ADCY7: variants seen among roughly 807,000 people sequenced by gnomAD.
ADCY7 encodes the protein adenylate cyclase type 7.
ADCY7 carries 72 observed loss-of-function variants against 120.6 expected under a neutral mutation model. The observed-to-expected ratio is 0.60, with a 90% CI of 0.49 to 0.73. The LOEUF (loss-of-function observed/expected upper bound fraction) is 0.73, where lower values mean the gene tolerates loss of function less well. Ranked by LOEUF, ADCY7 falls within the 30% of genes least tolerant of loss-of-function variation. ADCY7 has a pLI of 0.00. For missense variants in ADCY7, 1,227 were observed against 1,486.0 expected (o/e 0.83, Z 2.87); for synonymous variants, 661 against 628.0 (o/e 1.05, Z -0.78).
chr16:50,306,412 C>A (rs2151055394), intron 14 of ADCY7, among the ~76,000 whole-genome samples: 1 of 152,300 alleles, frequency 6.6e-6, no homozygotes, highest in East Asian at 1.9e-4. Context: ...AGGTGTGGCT[C>A]CCTGAGTTGG....
chr16:50,312,204 G>A lies in ADCY7; in HGVS notation c.2604+13G>A, dbSNP rs2036524626. On this transcript the variant is annotated intron_variant, in intron 21 of 25. Transcript: ENST00000673801. The stretch of plus-strand genomic sequence containing the variant: ...CAAGTTAAACGAGGTGTGCTGAGAA[G>A]GGGCTGGGGCGGGGGCAGGGAGGCG... 9.8e-7 allele frequency: 1 copy of A among 1,020,096 alleles called. No individual in the cohort carries two copies. The allele number at this position is 1,020,096 out of a possible 1,614,324, so 63.2% of individuals were successfully genotyped here. A position where few individuals can be genotyped will look rare whatever the true frequency, so the allele number is the denominator to read the frequency against.
chr16:50,251,851 C>T (rs2032766526), intron 1 of ADCY7, among the ~76,000 whole-genome samples: 1 of 152,224 alleles, frequency 6.6e-6, no homozygotes, highest in Non-Finnish European at 1.5e-5. Flanking sequence ...TTGGGTTCTC[C>T]CCTTCCCCGG....
In ADCY7 at chr16:50,308,308, G is replaced by T. The variant is rs997067662; in HGVS notation, c.1851-19G>T. The T allele has an allele frequency of 6.2e-7, 1 of 1,614,098 alleles. No individual in the cohort carries two copies. Among genetic ancestry groups the T allele is most frequent in the Non-Finnish European group, 8.5e-7 (1 of 1,180,046 alleles). ...GCAGAAGGCCCTAGGCAGAACTGAG[G>T]TTCTTCCCTCCTCTCCAGGACGGCG... is the stretch of plus-strand genomic sequence containing the variant. On this transcript the variant is annotated intron_variant, in intron 15 of 25. Coordinates refer to ENST00000673801, the MANE Select transcript of ADCY7 (RefSeq NM_001114.5).
At chr16:50,302,883 G>A (rs1434038069) in intron 10 of ADCY7, among the ~76,000 whole-genome samples, 3 of 152,212 alleles carry the variant, frequency 2.0e-5, no homozygotes, top group African/African-American at 7.2e-5. Context: ...ACATGGAGGT[G>A]GATTTTCTGC....
rs1216192038 is a variant in ADCY7 at position 50,288,236 on chromosome 16, T to G, written c.57T>G (p.Asp19Glu). The change falls in exon 2 of 26, where the codon GAT becomes GAG. Residue 19 changes from aspartate to glutamate, a missense_variant. Transcript: ENST00000673801. ...AGGGCGAGGAGGGCCCTGACCAAGA[T>G]GCGCTCTACGAGAAGTACCAGCTCA... ...LNEGEEGPDQ[D>E]ALYEKYQLTS... is the part of the protein sequence containing the mutation. 7 of 1,551,394 alleles carry G rather than the reference T, an allele frequency of 4.5e-6. No individual in the cohort carries two copies. In the East Asian group the frequency reaches 1.7e-4, roughly 38 times the overall value.
At chr16:50,314,430 G>GT (rs748090529) in intron 24 of ADCY7, 24 bp downstream of exon 24, 1 of 1,595,818 alleles carries the variant, frequency 6.3e-7, no homozygotes, top group Non-Finnish European at 8.6e-7. Context: ...ATGGAGCGGG[G>GT]TGGGGAGCCC....
chr16:50,279,519 A>G (rs976879206), intron 1 of ADCY7: 3 of 128,250 alleles, frequency 2.3e-5, no homozygotes, highest in East Asian at 7.3e-4. Context: ...AGCCTGGTTG[A>G]TTGCTTAGTC....
At chr16:50,314,712 G>A in intron 24 of ADCY7, 1 of 450,182 alleles carries the variant, frequency 2.2e-6, no homozygotes, top group Non-Finnish European at 4.0e-6. Context: ...GCGGGCCTGC[G>A]CTCAAAGCCA....
intron 1 of ADCY7, among the ~76,000 whole-genome samples, chr16:50,259,714 C>CA (rs2033009251): frequency 6.6e-6 from 1 of 152,132 alleles, no homozygotes; most frequent in Non-Finnish European, 1.5e-5. Flanking sequence ...CCGCAGGGTG[C>CA]CGGGTTTAAT....
At chr16:50,250,010 G>A (rs2032707432) in intron 1 of ADCY7, among the ~76,000 whole-genome samples, 1 of 152,252 alleles carries the variant, frequency 6.6e-6, no homozygotes, top group Non-Finnish European at 1.5e-5. Flanking sequence ...TTGAGTCCCA[G>A]CTCAATGTTT....
rs372056826 is a variant in ADCY7, at chr16:50,278,310, A to C, written c.-268-9602A>C. Among the ~76,000 whole-genome samples the C allele has an allele frequency of 3.3e-5, 5 of 152,256 alleles. No homozygotes were observed. The East Asian group carries it at 5.8e-4, about 18-fold the overall frequency. ...CCTGACTCAGCCTACCTAAGTGCCAAGATTACAGGCGTGAGCCACCATGCC... is the reference window on the plus strand; with the variant it reads ...CCTGACTCAGCCTACCTAAGTGCCACGATTACAGGCGTGAGCCACCATGCC... On this transcript the variant is annotated intron_variant, in intron 1 of 25. Transcript: ENST00000673801.
In ADCY7 at chr16:50,300,790, C is replaced by T. The variant is rs1567565965; in HGVS notation, c.1152C>T (p.Val384=). The part of the protein sequence containing the change: ...GIHSGNVLCG[V]IGLRKWQYDV... ...ACTCGGGGAATGTGCTGTGCGGGGT[C>T]ATCGGGCTGCGCAAGTGGCAGTATG... The change falls in exon 9 of 26, where the codon GTC becomes GTT. Residue 384 remains valine, a synonymous_variant. Coordinates refer to ENST00000673801, the MANE Select transcript of ADCY7 (RefSeq NM_001114.5). 1 of 1,554,444 alleles carries T rather than the reference C, an allele frequency of 6.4e-7. No homozygotes were observed.
intron 15 of ADCY7, 70 bp downstream of exon 15, chr16:50,307,217 C>A: frequency 1.4e-6 from 2 of 1,468,892 alleles, no homozygotes; most frequent in Non-Finnish European, 9.3e-7. Flanking sequence ...TATGAACCTG[C>A]AAGGAGCTGT....
At chr16:50,253,870 T>A (rs2032832851) in intron 1 of ADCY7, among the ~76,000 whole-genome samples, 1 of 152,178 alleles carries the variant, frequency 6.6e-6, no homozygotes, top group Admixed American at 6.5e-5. Flanking sequence ...CCTCCTTTGC[T>A]TCCAGCAGGA....
At position 50,305,489 on chromosome 16, in the gene ADCY7, G is replaced by A; in HGVS notation, c.1596-14G>A. 1.2e-6 allele frequency: 2 copies of A among 1,612,222 alleles called. No homozygotes were observed. Among genetic ancestry groups the A allele is most frequent in the Non-Finnish European group, 1.7e-6 (2 of 1,178,776 alleles). ...GGTCGCTGTGCTGATGCAGTTGTGG[G>A]TATCTGATTCCAGAAGCATGTCCCC... On this transcript the variant is annotated splice_polypyrimidine_tract_variant and intron_variant, in intron 12 of 25. Transcript: ENST00000673801.
At chr16:50,302,904 A>G (rs1596957530) in intron 10 of ADCY7, among the ~76,000 whole-genome samples, 1 of 152,164 alleles carries the variant, frequency 6.6e-6, no homozygotes, top group Non-Finnish European at 1.5e-5. Context: ...ACTGGCTTCT[A>G]TGGGCTCTGC....
In ADCY7 at chr16:50,298,951, T is replaced by C; in HGVS notation, c.996T>C (p.Cys332=). The change falls in exon 8 of 26, where the codon TGT becomes TGC. Residue 332 remains cysteine (C), a synonymous_variant. Coordinates refer to ENST00000673801, the MANE Select transcript of ADCY7 (RefSeq NM_001114.5). ...AGATCCTCGGCGACTGCTACTACTG[T>C]GTATCGGGCCTGCCCGTGTCGCTGC... ...RIKILGDCYY[C]VSGLPVSLPT... is the part of the protein sequence containing the mutation. 1 of 1,613,906 alleles carries C rather than the reference T, an allele frequency of 6.2e-7. No individual in the cohort carries two copies. The highest frequency in any genetic ancestry group is 8.5e-7 in the Non-Finnish European group (1 of 1,180,018).
chr16:50,293,648 C>T (rs982376035), intron 6 of ADCY7, 146 bp downstream of exon 6: 8 of 996,136 alleles, frequency 8.0e-6, no homozygotes, highest in Non-Finnish European at 4.4e-6. Context: ...CCAGGTCAAT[C>T]TGGGGCCCTC....
chr16:50,308,497 G>A, intron 16 of ADCY7, 86 bp downstream of exon 16: 1 of 1,592,168 alleles, frequency 6.3e-7, no homozygotes, highest in South Asian at 1.1e-5. Context: ...GCTTGGCTGG[G>A]CTGAGCCCCT....
Sources: gnomAD v4.1 joint callset for allele counts (sites outside exome capture counted in the v4.1 genomes callset) on GRCh38, gnomAD v4.1.1 for gene constraint, MANE v1.5 for transcripts, NCBI Gene and HGNC (gene_info 2026-07-23, HGNC 2026-07-21) for gene names.